Variants in KCTD1 observed in about 807,000 individuals in gnomAD.
The protein encoded by KCTD1 is BTB/POZ domain-containing protein KCTD1.
A neutral mutation model predicts 66.0 loss-of-function variants in KCTD1; 24 were observed. The observed-to-expected ratio is 0.36, with a 90% CI of 0.26 to 0.51. The LOEUF (loss-of-function observed/expected upper bound fraction) is 0.51, where lower values mean the gene tolerates loss of function less well. Ranked by LOEUF, KCTD1 falls within the 20% of genes least tolerant of loss-of-function variation. The probability of loss-of-function intolerance (pLI) is 0.95; values close to 1 mark genes in which losing one functional copy is unlikely to be tolerated. For synonymous variants in KCTD1, 511 were observed against 517.2 expected, an observed-to-expected ratio of 0.99 and a Z score of 0.16; for missense variants, 943 against 1,205.2, an observed-to-expected ratio of 0.78 and a Z score of 3.22.
chr18:26,486,696 T>A (rs1981938395), intron 2 of KCTD1, among the ~76,000 whole-genome samples: 1 of 152,188 alleles, frequency 6.6e-6, no homozygotes, highest in South Asian at 2.1e-4. Flanking sequence ...CTCTCCCTAT[T>A]TTTTGATTAT....
rs544907638 is a variant in KCTD1 at position 26,543,833 on chromosome 18, A to T, written c.1809+2895T>A. On this transcript the variant is annotated intron_variant, in intron 1 of 4. Transcript: ENST00000580059. ...CACTTTTGTTTAGCACAGGAGAGAG[A>T]CATGTCTACAAAAACTGTAGTGACA... The T allele has an allele frequency of 3.3e-5, 5 of 152,366 alleles. No homozygotes were observed. The East Asian group carries it at 9.6e-4, about 29-fold the overall frequency. 9.4% of individuals were successfully genotyped at this position (152,366 alleles called of 1,614,324 possible).
intron 1 of KCTD1, among the ~76,000 whole-genome samples, chr18:26,605,616 T>A (rs1986993426): frequency 6.6e-6 from 1 of 152,190 alleles, no homozygotes; most frequent in East Asian, 1.9e-4. Context: ...ACCACTGTTA[T>A]AGCTGTAGCT....
At chr18:26,574,565 T>A (rs192256355) in intron 1 of KCTD1, among the ~76,000 whole-genome samples, 1 of 152,330 alleles carries the variant, frequency 6.6e-6, no homozygotes, top group East Asian at 1.9e-4. Flanking sequence ...TGAATTGAAT[T>A]TGTCTATGTT....
intron 1 of KCTD1, among the ~76,000 whole-genome samples, chr18:26,593,847 A>G (rs1383290842): frequency 7.1e-6 from 1 of 140,172 alleles, no homozygotes; most frequent in Non-Finnish European, 1.5e-5. Context: ...GGAGGAAGAC[A>G]AGGAGGAAGA....
chr18:26,455,577 T>C lies in KCTD1; in HGVS notation c.*166A>G, dbSNP rs997074482. On this transcript the variant is annotated 3_prime_UTR_variant, in exon 5 of 5. Transcript: ENST00000580059. ...ACCTTGAGGATATCACTATTCCAAT[T>C]GTTCCCATATGAATACAGGTGTGGT... 1.6e-6 allele frequency: 1 copy of C among 637,854 alleles called. No individual in the cohort carries two copies. The highest frequency in any genetic ancestry group is 2.9e-5 in the East Asian group (1 of 34,408). The allele number at this position is 637,854 out of a possible 1,614,324, so 39.5% of individuals were successfully genotyped here. A position where few individuals can be genotyped will look rare whatever the true frequency, so the allele number is the denominator to read the frequency against.
chr18:26,494,039 T>C (rs557012920), intron 2 of KCTD1, among the ~76,000 whole-genome samples: 1 of 152,306 alleles, frequency 6.6e-6, no homozygotes, highest in South Asian at 2.1e-4. Flanking sequence ...TATTTATGCA[T>C]TGGCAGATGA....
chr18:26,522,648 C>T (rs1983969615), intron 1 of KCTD1, among the ~76,000 whole-genome samples: 1 of 152,128 alleles, frequency 6.6e-6, no homozygotes, highest in Admixed American at 6.6e-5. Flanking sequence ...CTTGACGGTA[C>T]CTCTTTGTGG....
chr18:26,629,158 G>A, exon 1 of KCTD1: 1 of 984,812 alleles, frequency 1.0e-6, no homozygotes, highest in Non-Finnish European at 1.2e-6. Context: ...TTTGGTGATG[G>A]ATTTGCCTTT....
chr18:26,520,637 C>T (rs1598914457), intron 1 of KCTD1, among the ~76,000 whole-genome samples: 1 of 152,190 alleles, frequency 6.6e-6, no homozygotes, highest in African/African-American at 2.4e-5. Flanking sequence ...CCCTAAAACC[C>T]CCAAAATTAA....
At chr18:26,618,572 G>C (rs1454761311) in intron 1 of KCTD1, among the ~76,000 whole-genome samples, 1 of 152,182 alleles carries the variant, frequency 6.6e-6, no homozygotes, top group East Asian at 1.9e-4. Context: ...GAACGAGGAA[G>C]GACCTTAAGG....
intron 1 of KCTD1, among the ~76,000 whole-genome samples, chr18:26,536,381 C>T (rs1313092667): frequency 6.6e-6 from 1 of 152,174 alleles, no homozygotes; most frequent in Non-Finnish European, 1.5e-5. Flanking sequence ...ACCTAAAACA[C>T]AAGTATACTA....
At position 26,490,339 on chromosome 18, in the gene KCTD1, C is replaced by T. The variant is rs138351911; in HGVS notation, c.1988+10733G>A. Among the ~76,000 whole-genome samples the T allele has an allele frequency of 1.2e-3, 186 of 152,256 alleles. 3 individuals are homozygous for T. The highest frequency in any genetic ancestry group is 0.011 in the South Asian group (52 of 4,804). On this transcript the variant is annotated intron_variant, in intron 2 of 4. Transcript: ENST00000580059. ...GGAATCTGCATCATTAGAAGTACCT[C>T]GAGATGACCCTGACACAGGGGGATT...
At chr18:26,617,527 T>G (rs374574692) in intron 1 of KCTD1, among the ~76,000 whole-genome samples, 4 of 152,226 alleles carry the variant, frequency 2.6e-5, no homozygotes, top group African/African-American at 9.6e-5. Context: ...GTACTATTAT[T>G]GAGCTGAAAA....
At chr18:26,509,862 T>G (rs544934819) in intron 1 of KCTD1, among the ~76,000 whole-genome samples, 2 of 152,216 alleles carry the variant, frequency 1.3e-5, no homozygotes, top group Non-Finnish European at 2.9e-5. Flanking sequence ...GTGCGATCTC[T>G]GAGAAGTTAC....
chr18:26,587,823 C>T (rs1411541929), intron 1 of KCTD1, among the ~76,000 whole-genome samples: 1 of 152,122 alleles, frequency 6.6e-6, no homozygotes, highest in African/African-American at 2.4e-5. Context: ...TGACTGAATT[C>T]CTGCAAGCTC....
chr18:26,578,057 C>CTTTT (rs11381611), intron 1 of KCTD1, among the ~76,000 whole-genome samples: 53 of 117,028 alleles, frequency 4.5e-4, no homozygotes, highest in Non-Finnish European at 5.3e-4. Context: ...TCTTTTCTTT[C>CTTTT]TTTTTTTTTT....
intron 1 of KCTD1, among the ~76,000 whole-genome samples, chr18:26,535,971 C>A (rs1403770733): frequency 3.1e-4 from 38 of 122,792 alleles, no homozygotes; most frequent in Non-Finnish European, 3.7e-4. Flanking sequence ...GTGATTCCTC[C>A]AAAAAAAAAA....
Position 26,599,702 on chromosome 18 carries a change from G to T in KCTD1, c.-16+29445C>A, listed in dbSNP as rs962103118. On this transcript the variant is annotated intron_variant, in intron 1 of 4. Transcript: ENST00000317932. Reference sequence around the variant, plus strand: ...ATGTCTTTTTCTGAAAGAGCCAGTAGAGACAGCTGTAGATAACAATAGCAA... The same window carrying T: ...ATGTCTTTTTCTGAAAGAGCCAGTATAGACAGCTGTAGATAACAATAGCAA... The T allele has an allele frequency of 2.6e-6, 4 of 1,511,718 alleles. No individual in the cohort carries two copies. The African/African-American group carries it at 4.1e-5, about 16-fold the overall frequency. 93.6% of individuals were successfully genotyped at this position (1,511,718 alleles called of 1,614,324 possible).
chr18:26,474,178 A>G (rs1237316276), intron 3 of KCTD1, among the ~76,000 whole-genome samples: 2 of 152,218 alleles, frequency 1.3e-5, no homozygotes, highest in East Asian at 3.8e-4. Flanking sequence ...TTCCCCCCAC[A>G]TATCAACAGA....
Sources: allele counts gnomAD v4.1 joint callset (sites outside exome capture counted in the v4.1 genomes callset), GRCh38; gene constraint gnomAD v4.1.1; transcripts MANE v1.5; gene names NCBI Gene and HGNC (gene_info 2026-07-23, HGNC 2026-07-21).